Variants in DNM3 observed in about 807,000 individuals in gnomAD.
DNM3 encodes the protein dynamin-3.
DNM3 carries 47 observed loss-of-function variants against 101.6 expected under a neutral mutation model. The ratio of observed to expected loss-of-function variants is 0.46; its 90% CI spans 0.37 to 0.59. The LOEUF is 0.59. Ranked by LOEUF, DNM3 falls within the 20% of genes least tolerant of loss-of-function variation. DNM3 has a pLI of 0.00. For missense variants in DNM3, 849 were observed against 1,085.7 expected (o/e 0.78, Z 3.06); for synonymous variants, 385 against 387.9 (o/e 0.99, Z 0.09).
chr1:172,369,281 C>G (rs887063966), intron 17 of DNM3, among the ~76,000 whole-genome samples: 5 of 151,844 alleles, frequency 3.3e-5, no homozygotes, highest in East Asian at 1.9e-4. Flanking sequence ...ACACCATAAT[C>G]AAGTGGGATT....
At chr1:171,911,273 C>CTTTTT (rs151321245) in intron 1 of DNM3, among the ~76,000 whole-genome samples, 9,366 of 90,752 alleles carry the variant, frequency 0.1, 981 homozygotes, top group East Asian at 0.37. Context: ...ACCCCAACAT[C>CTTTTT]TTTTTTTTTT....
At chr1:172,342,240 A>C (rs929977174) in intron 17 of DNM3, among the ~76,000 whole-genome samples, 1 of 152,198 alleles carries the variant, frequency 6.6e-6, no homozygotes, top group Non-Finnish European at 1.5e-5. Flanking sequence ...AATTTGACCC[A>C]GCAATTCCAT....
intron 2 of DNM3, among the ~76,000 whole-genome samples, chr1:171,972,676 C>CCTGT (rs1221959137): frequency 6.6e-6 from 1 of 152,064 alleles, no homozygotes; most frequent in Non-Finnish European, 1.5e-5. Context: ...ATGGAGAAAC[C>CCTGT]CTGTCTCTAC....
intron 14 of DNM3, among the ~76,000 whole-genome samples, chr1:172,240,189 A>T (rs191948087): frequency 6.6e-6 from 1 of 152,290 alleles, no homozygotes; most frequent in Non-Finnish European, 1.5e-5. Flanking sequence ...CTGTCAGTGG[A>T]GGAAAAAACC....
chr1:171,927,758 A>G (rs1430965372), intron 2 of DNM3, among the ~76,000 whole-genome samples: 1 of 152,182 alleles, frequency 6.6e-6, no homozygotes, highest in Admixed American at 6.5e-5. Context: ...TGTAATTCTT[A>G]GTTTCCTTGG....
At chr1:172,014,094 C>T (rs1478644856) in intron 4 of DNM3, among the ~76,000 whole-genome samples, 6 of 151,872 alleles carry the variant, frequency 4.0e-5, no homozygotes, top group Admixed American at 2.6e-4. Context: ...TATAGCAGCA[C>T]GATTTGCAAC....
At chr1:171,899,920 A>G (rs960238525) in intron 1 of DNM3, among the ~76,000 whole-genome samples, 1 of 152,240 alleles carries the variant, frequency 6.6e-6, no homozygotes, top group African/African-American at 2.4e-5. Context: ...GACTTGAAGG[A>G]CAAATGGGCA....
In DNM3 at chr1:172,408,855, T is replaced by C. The variant is rs542598617; in HGVS notation, c.*1014T>C. Reference sequence around the variant, plus strand: ...AACTGTATATCCATTCTAGGCTTTCTTAATAAATCTTGAGGCTATGGGATA... The same window carrying C: ...AACTGTATATCCATTCTAGGCTTTCCTAATAAATCTTGAGGCTATGGGATA... On this transcript the variant is annotated 3_prime_UTR_variant, in exon 21 of 21. Coordinates refer to ENST00000627582, the MANE Select transcript of DNM3 (RefSeq NM_015569.5). The C allele has an allele frequency of 2.0e-6, 2 of 985,334 alleles. No individual in the cohort carries two copies. Among genetic ancestry groups the C allele is most frequent in the Non-Finnish European group, 2.4e-6 (2 of 829,866 alleles). The allele number at this position is 985,334 out of a possible 1,614,324, so 61.0% of individuals were successfully genotyped here.
At chr1:172,140,036 T>A (rs1217045317) in intron 14 of DNM3, 2 of 152,050 alleles carry the variant, frequency 1.3e-5, no homozygotes, top group Non-Finnish European at 2.9e-5. Context: ...AAGGATTGTA[T>A]AATTAGACAT....
intron 17 of DNM3, among the ~76,000 whole-genome samples, chr1:172,371,596 A>C (rs1293644093): frequency 2.6e-5 from 4 of 152,044 alleles, no homozygotes; most frequent in Non-Finnish European, 5.9e-5. Flanking sequence ...CCTGTCCTAT[A>C]AAATGTATAA....
At chr1:172,107,340 T>C in intron 13 of DNM3, among the ~76,000 whole-genome samples, 1 of 152,058 alleles carries the variant, frequency 6.6e-6, no homozygotes, top group South Asian at 2.1e-4. Flanking sequence ...GAGTAGGACT[T>C]ACATGGACAT....
At chr1:172,153,598 T>TAA (rs2058225299) in intron 14 of DNM3, among the ~76,000 whole-genome samples, 7 of 151,764 alleles carry the variant, frequency 4.6e-5, no homozygotes, top group Non-Finnish European at 8.8e-5. Context: ...CGAAACTTTC[T>TAA]CTGAGTATTC....
chr1:172,146,540 A>C (rs541048813), intron 14 of DNM3, among the ~76,000 whole-genome samples: 4 of 152,254 alleles, frequency 2.6e-5, no homozygotes, highest in African/African-American at 9.6e-5. Context: ...GCACAAGCCC[A>C]TAAGACTCAC....
At chr1:171,984,657 T>TCA (rs748756401) in intron 2 of DNM3, among the ~76,000 whole-genome samples, 6 of 152,102 alleles carry the variant, frequency 3.9e-5, no homozygotes, top group African/African-American at 9.7e-5. Context: ...GCACTTAGCA[T>TCA]CACACACACA....
intron 14 of DNM3, among the ~76,000 whole-genome samples, chr1:172,178,606 A>AGAGG (rs1296428599): frequency 6.6e-6 from 1 of 151,880 alleles, no homozygotes; most frequent in Non-Finnish European, 1.5e-5. Context: ...GATGATGAAG[A>AGAGG]GAGGGAGAGA....
At chr1:171,995,417 G>GT (rs531496359) in intron 4 of DNM3, among the ~76,000 whole-genome samples, 4,388 of 145,532 alleles carry the variant, frequency 0.03, 176 homozygotes, top group African/African-American at 0.098. Context: ...AAATCCAGGT[G>GT]TTTTTTTTTT....
At chr1:172,017,736 C>T (rs1299604325) in intron 4 of DNM3, among the ~76,000 whole-genome samples, 2 of 152,026 alleles carry the variant, frequency 1.3e-5, no homozygotes, top group Admixed American at 6.6e-5. Flanking sequence ...CTTTTTAGTT[C>T]GACTATGTCC....
chr1:172,378,065 C>G (rs1331380580), intron 17 of DNM3: 1 of 151,966 alleles, frequency 6.6e-6, no homozygotes, highest in Non-Finnish European at 1.5e-5. Flanking sequence ...AATTATTTCC[C>G]CATTTTACAT....
chr1:172,251,933 A>C (rs1274980565), intron 14 of DNM3, among the ~76,000 whole-genome samples: 3 of 152,140 alleles, frequency 2.0e-5, no homozygotes, highest in African/African-American at 7.2e-5. Flanking sequence ...TCTGTCCTAA[A>C]ATAGTTTGAC....
Sources: allele counts gnomAD v4.1 joint callset (sites outside exome capture counted in the v4.1 genomes callset), GRCh38; gene constraint gnomAD v4.1.1; transcripts MANE v1.5; gene names NCBI Gene and HGNC (gene_info 2026-07-23, HGNC 2026-07-21).